Variants in MYO9A observed in about 807,000 individuals in gnomAD.
MYO9A encodes the protein myosin IXA, also known as unconventional myosin-IXa.
In MYO9A, 103 loss-of-function variants were observed where a neutral mutation model predicts 293.3. The ratio of observed to expected loss-of-function variants is 0.35; its 90% CI spans 0.30 to 0.41. The LOEUF (loss-of-function observed/expected upper bound fraction) is 0.41, where lower values mean the gene tolerates loss of function less well. MYO9A is among the 10% of genes least tolerant of loss of function. The pLI, the probability that MYO9A is intolerant of heterozygous loss-of-function variation, is 1.00. For missense variants in MYO9A, 2,685 were observed against 3,033.0 expected (o/e 0.89, Z 2.69); for synonymous variants, 1,001 against 1,035.7 (o/e 0.97, Z 0.64).
chr15:72,106,541 T>C (rs568609280), intron 1 of MYO9A, among the ~76,000 whole-genome samples: 1 of 152,320 alleles, frequency 6.6e-6, no homozygotes, highest in South Asian at 2.1e-4. Flanking sequence ...TTTTTTTATA[T>C]GGTTTCTCTT....
chr15:71,903,282 GA>G (rs1160689950), intron 21 of MYO9A, among the ~76,000 whole-genome samples: 2 of 151,450 alleles, frequency 1.3e-5, no homozygotes, highest in Admixed American at 6.6e-5. Context: ...AAGGGAATGA[GA>G]GAAAAAAAAG....
chr15:71,883,884 G>T, intron 27 of MYO9A, 148 bp from the exon 28 acceptor site: 2 of 734,196 alleles, frequency 2.7e-6, no homozygotes, highest in Non-Finnish European at 3.9e-6. Context: ...CTTTACTTTT[G>T]CATTTAAACT....
At chr15:72,057,500 T>C (rs947896154) in intron 1 of MYO9A, among the ~76,000 whole-genome samples, 3 of 152,314 alleles carry the variant, frequency 2.0e-5, no homozygotes, top group Middle Eastern at 3.4e-3. Context: ...TCATCGAACA[T>C]AGTTTGAATG....
At chr15:71,950,900 T>C (rs780812349) in intron 15 of MYO9A, among the ~76,000 whole-genome samples, 1 of 152,176 alleles carries the variant, frequency 6.6e-6, no homozygotes, top group Non-Finnish European at 1.5e-5. Flanking sequence ...AATTGCTGAG[T>C]TGTCTTTGAG....
intron 39 of MYO9A, among the ~76,000 whole-genome samples, chr15:71,835,833 T>G (rs2054918586): frequency 6.6e-6 from 1 of 152,160 alleles, no homozygotes; most frequent in Non-Finnish European, 1.5e-5. Flanking sequence ...GGATGACTTA[T>G]TCTACCAGTT....
In MYO9A at chr15:71,888,057, T is replaced by C; in HGVS notation, c.5202A>G (p.Gln1734=). ...TCACTGCCAACTTGGTAATCTCTCC[T>C]TGAGACATAGTCTTATGAAGTTTTG... ...EQAKLHKTMS[Q]GEITKLAVRQ... is the part of the protein sequence containing the mutation. The change falls in exon 27 of 42, where the codon CAA becomes CAG. Residue 1734 remains glutamine, a synonymous_variant. Coordinates refer to ENST00000356056, the MANE Select transcript of MYO9A (RefSeq NM_006901.4). 5 of 1,611,698 alleles carry C rather than the reference T, an allele frequency of 3.1e-6. No individual in the cohort carries two copies. The highest frequency in any genetic ancestry group is 4.2e-6 in the Non-Finnish European group (5 of 1,178,610).
intron 1 of MYO9A, among the ~76,000 whole-genome samples, chr15:72,082,631 A>C (rs1276615011): frequency 6.6e-6 from 1 of 152,008 alleles, no homozygotes; most frequent in Non-Finnish European, 1.5e-5. Context: ...GATTAAGACA[A>C]ATGTTTCCAG....
At chr15:71,969,044 A>T (rs2957734) in intron 12 of MYO9A, among the ~76,000 whole-genome samples, 3 of 151,950 alleles carry the variant, frequency 2.0e-5, no homozygotes, top group South Asian at 2.1e-4. Context: ...CATAGTTTAC[A>T]TTACGCATTC....
chr15:71,974,839 T>C (rs2076097109), intron 12 of MYO9A, among the ~76,000 whole-genome samples: 1 of 152,216 alleles, frequency 6.6e-6, no homozygotes, highest in South Asian at 2.1e-4. Context: ...AGAGTTGTTG[T>C]CTGCAATCTA....
chr15:71,898,319 A>G lies in MYO9A; in HGVS notation c.4184T>C (p.Val1395Ala). ...HLKDGTMKEM[V>A]VCSSESITCK... ...GGTAATAGACTCAGAACTGCAGACC[A>G]CCATTTCCTTCATAGTTCCATCCTT... Residue 1395 changes from valine to alanine, a missense_variant, in exon 25 of 42, where the codon GTG (valine) becomes GCG (alanine). Transcript: ENST00000356056. 6.2e-7 allele frequency: 1 copy of G among 1,613,932 alleles called. No homozygotes were observed. Among genetic ancestry groups the G allele is most frequent in the Non-Finnish European group, 8.5e-7 (1 of 1,180,018 alleles).
intron 2 of MYO9A, among the ~76,000 whole-genome samples, chr15:72,034,138 G>A (rs1460896140): frequency 6.6e-6 from 1 of 152,152 alleles, no homozygotes; most frequent in Non-Finnish European, 1.5e-5. Flanking sequence ...TCAAGTAGTC[G>A]TACTCAACTA....
Position 71,827,968 on chromosome 15 carries a change from G to C in MYO9A, c.7099C>G (p.Leu2367Val), listed in dbSNP as rs1424328826. Reference sequence around the variant, plus strand: ...GTCCCAATGGAGGCCTCAGACTCAAGGGTTTCATCATCAGAGGCACGGGGT... The same window carrying C: ...GTCCCAATGGAGGCCTCAGACTCAACGGTTTCATCATCAGAGGCACGGGGT... ...LEPRASDDET[L>V]ESEASIGTAD... is the part of the protein sequence containing the mutation. The change falls in exon 41 of 42, where the codon CTT (leucine) becomes GTT (valine). Residue 2367 changes from leucine (L) to valine (V), a missense_variant. Physicochemically the swap from Leu to Val is conservative, Grantham distance 32. This residue lies in a region of MYO9A where 350 missense variants were observed against 328.9 expected (regional missense o/e 1.06). Transcript: ENST00000356056. 4.3e-6 allele frequency: 7 copies of C among 1,613,824 alleles called. No homozygotes were observed. The South Asian group carries it at 7.7e-5, about 18-fold the overall frequency.
At chr15:71,981,641 G>GTC (rs142432028) in intron 11 of MYO9A, among the ~76,000 whole-genome samples, 10,485 of 144,352 alleles carry the variant, frequency 0.073, 434 homozygotes, top group African/African-American at 0.11. Context: ...TCTCTGTCTT[G>GTC]TCTCTCTCTC....
At chr15:71,857,748 A>T (rs1489632674) in intron 34 of MYO9A, among the ~76,000 whole-genome samples, 1 of 152,040 alleles carries the variant, frequency 6.6e-6, no homozygotes, top group African/African-American at 2.4e-5. Flanking sequence ...ATAAAGGTAC[A>T]TGGAAAAATA....
At chr15:72,067,261 T>A (rs913160296) in intron 1 of MYO9A, among the ~76,000 whole-genome samples, 3 of 151,486 alleles carry the variant, frequency 2.0e-5, no homozygotes, top group Admixed American at 6.6e-5. Context: ...AAAGTACAAA[T>A]ATTAGCATCT....
intron 2 of MYO9A, chr15:72,041,113 T>A (rs1566974867): frequency 1.0e-5 from 6 of 572,240 alleles, no homozygotes; most frequent in Non-Finnish European, 2.0e-5. Context: ...GGTGTGGTGG[T>A]ACATGCCTAT....
At chr15:72,032,635 T>G in intron 2 of MYO9A, 47 bp from the exon 3 acceptor site, 1 of 1,341,248 alleles carries the variant, frequency 7.5e-7, no homozygotes, top group Non-Finnish European at 1.0e-6. Context: ...AAAAAAAAAT[T>G]TTTTTTTGGA....
chr15:71,857,491 C>G (rs1431841376), intron 34 of MYO9A, among the ~76,000 whole-genome samples: 1 of 152,184 alleles, frequency 6.6e-6, no homozygotes, highest in East Asian at 1.9e-4. Flanking sequence ...CTTCCAGCCA[C>G]TATGCCCTTT....
chr15:72,100,221 A>G (rs2080227347), intron 1 of MYO9A, among the ~76,000 whole-genome samples: 1 of 152,160 alleles, frequency 6.6e-6, no homozygotes, highest in East Asian at 1.9e-4. Context: ...GTCTCTACAA[A>G]AAATAGAAAA....
Sources: allele counts gnomAD v4.1 joint callset (sites outside exome capture counted in the v4.1 genomes callset), GRCh38; gene constraint gnomAD v4.1.1; regional missense constraint gnomAD v4.1.1; transcripts MANE v1.5; gene names NCBI Gene and HGNC (gene_info 2026-07-23, HGNC 2026-07-21).